The following NAV2 variants were observed in gnomAD, a reference collection of about 807,000 sequenced individuals.
The protein encoded by NAV2 is neuron navigator 2, also known as helicase, APC down-regulated 1.
In NAV2, 54 loss-of-function variants were observed where a neutral mutation model predicts 223.2. The ratio of observed to expected loss-of-function variants is 0.24; its 90% CI spans 0.19 to 0.30. NAV2 has a LOEUF of 0.30. NAV2 is among the 10% of genes least tolerant of loss of function. The pLI is 1.00. For synonymous variants in NAV2, 1,279 were observed against 1,239.3 expected, an observed-to-expected ratio of 1.03 and a Z score of -0.67; for missense variants, 2,806 against 3,147.5, an observed-to-expected ratio of 0.89 and a Z score of 2.60.
At chr11:19,387,105 TCA>T (rs1188573982) in intron 1 of NAV2, among the ~76,000 whole-genome samples, 3 of 152,246 alleles carry the variant, frequency 2.0e-5, no homozygotes, top group Non-Finnish European at 2.9e-5. Context: ...CTAAGTGTGC[TCA>T]CACACACACT....
chr11:19,663,204 T>A (rs891163634), intron 1 of NAV2, among the ~76,000 whole-genome samples: 2 of 152,192 alleles, frequency 1.3e-5, no homozygotes, highest in Non-Finnish European at 2.9e-5. Context: ...AGAGGGGATA[T>A]GTATTTTAGA....
intron 10 of NAV2, among the ~76,000 whole-genome samples, chr11:19,980,211 A>G (rs1342048057): frequency 6.6e-6 from 1 of 152,112 alleles, no homozygotes. Context: ...CTTTCCATCC[A>G]GGGGTCTCTG....
chr11:19,555,450 GGGGGCTCT>G (rs1242073694), intron 1 of NAV2, among the ~76,000 whole-genome samples: 1 of 152,126 alleles, frequency 6.6e-6, no homozygotes, highest in Non-Finnish European at 1.5e-5. Context: ...CAGACCTGGG[GGGGGCTCT>G]GGGCAGCTCA....
chr11:19,923,382 C>T (rs1372502845), intron 6 of NAV2, among the ~76,000 whole-genome samples: 1 of 146,456 alleles, frequency 6.8e-6, no homozygotes, highest in African/African-American at 2.5e-5. Flanking sequence ...CTGAGAAGTC[C>T]TGTAGACAAA....
chr11:19,773,676 C>T (rs1055463955), intron 1 of NAV2, among the ~76,000 whole-genome samples: 2 of 152,132 alleles, frequency 1.3e-5, no homozygotes, highest in African/African-American at 4.8e-5. Flanking sequence ...TTGTGAGAAG[C>T]CACTTCTGTC....
upstream of NAV2, chr11:19,712,656 C>G (rs1202627253): frequency 2.0e-5 from 3 of 152,246 alleles, no homozygotes; most frequent in African/African-American, 7.2e-5. Flanking sequence ...GCAAAGCGGC[C>G]ACCAGCCCGC....
chr11:20,074,760 C>CCTTTTTTTTT lies in NAV2; in HGVS notation c.4984-2792_4984-2791insCTTTTTTTTT, dbSNP rs56895607. The stretch of plus-strand genomic sequence containing the variant: ...ATTGGAGACTAGGATTGCAACTCTG[C>CCTTTTTTTTT]TTTTTTTTTTTTTTTTGCTTTCCAT... On this transcript the variant is annotated intron_variant, in intron 22 of 37. Coordinates refer to ENST00000349880, the MANE Select transcript of NAV2 (RefSeq NM_145117.5). Among the ~76,000 whole-genome samples, 279 of 110,208 alleles carry CCTTTTTTTTT rather than the reference C, an allele frequency of 2.5e-3. 13 individuals are homozygous for CCTTTTTTTTT. Among genetic ancestry groups the CCTTTTTTTTT allele is most frequent in the East Asian group, 4.2e-3 (16 of 3,776 alleles). 72.3% of individuals were successfully genotyped at this position (110,208 alleles called of 152,430 possible).
At chr11:19,844,816 CTG>C (rs1160449984) in intron 3 of NAV2, among the ~76,000 whole-genome samples, 4 of 147,738 alleles carry the variant, frequency 2.7e-5, no homozygotes, top group African/African-American at 5.1e-5. Flanking sequence ...TGTGTGTGAA[CTG>C]TGTGTTTTTT....
At chr11:19,959,303 G>A (rs530590195) in intron 10 of NAV2, among the ~76,000 whole-genome samples, 20 of 152,184 alleles carry the variant, frequency 1.3e-4, no homozygotes, top group Non-Finnish European at 2.8e-4. Flanking sequence ...GAGGAACTCA[G>A]GGCGCAGAGG....
At chr11:19,488,022 A>G (rs1271487241) in intron 1 of NAV2, among the ~76,000 whole-genome samples, 2 of 152,230 alleles carry the variant, frequency 1.3e-5, no homozygotes, top group African/African-American at 2.4e-5. Context: ...AAAAAGCCAG[A>G]GACATCCTAA....
chr11:19,397,419 G>GTGTGTGTGTGTGTGTGTGCA (rs1554919831), intron 1 of NAV2, among the ~76,000 whole-genome samples: 3 of 70,514 alleles, frequency 4.3e-5, no homozygotes, highest in Admixed American at 1.5e-4. Context: ...GTGTGTGTGT[G>GTGTGTGTGTGTGTGTGTGCA]CGCGCATGTG....
chr11:19,759,608 T>A (rs907478945), intron 1 of NAV2, among the ~76,000 whole-genome samples: 1 of 152,196 alleles, frequency 6.6e-6, no homozygotes, highest in Admixed American at 6.5e-5. Flanking sequence ...GAGCGGGGCC[T>A]CTGGTGCTGG....
At chr11:19,946,042 C>G (rs569112984) in intron 8 of NAV2, among the ~76,000 whole-genome samples, 1 of 152,238 alleles carries the variant, frequency 6.6e-6, no homozygotes, top group South Asian at 2.1e-4. Flanking sequence ...ATGCTTCACT[C>G]ATTTTTGCAT....
chr11:19,951,042 A>G (rs965636165), intron 10 of NAV2, among the ~76,000 whole-genome samples: 1 of 152,216 alleles, frequency 6.6e-6, no homozygotes, highest in Admixed American at 6.5e-5. Context: ...GGTGGGTCAG[A>G]TAATTTCCTT....
chr11:19,569,703 C>A (rs1021927536), intron 1 of NAV2, among the ~76,000 whole-genome samples: 1 of 152,084 alleles, frequency 6.6e-6, no homozygotes, highest in Admixed American at 6.5e-5. Flanking sequence ...AATCAGGATG[C>A]AAAGGGCTAC....
intron 1 of NAV2, among the ~76,000 whole-genome samples, chr11:19,595,311 A>G (rs1486462190): frequency 1.3e-5 from 2 of 152,216 alleles, no homozygotes; most frequent in African/African-American, 2.4e-5. Context: ...GCATTGGCAC[A>G]TACAAGGAAC....
chr11:19,656,754 A>G (rs950476409), intron 1 of NAV2, among the ~76,000 whole-genome samples: 2 of 152,174 alleles, frequency 1.3e-5, no homozygotes, highest in Admixed American at 6.5e-5. Flanking sequence ...GTGAGAAGCA[A>G]TGCTCTAGGG....
Position 20,045,122 on chromosome 11 carries a change from C to G in NAV2, c.3354C>G (p.Asn1118Lys). 1 of 1,614,180 alleles carries G rather than the reference C, an allele frequency of 6.2e-7. No homozygotes were observed. The highest frequency in any genetic ancestry group is 8.5e-7 in the Non-Finnish European group (1 of 1,180,012). The change falls in exon 14 of 38, where the codon AAC (asparagine) becomes AAG (lysine). Residue 1118 changes from asparagine to lysine, a missense_variant. This residue lies in a region of NAV2 where 742 missense variants were observed against 777.9 expected (regional missense o/e 0.95). Coordinates refer to ENST00000349880, the MANE Select transcript of NAV2 (RefSeq NM_145117.5). Reference protein sequence around the residue: ...SSSRTPTANANSFGFKKQSGS... With the variant: ...SSSRTPTANAKSFGFKKQSGS... ...CTAGGACACCTACTGCCAATGCCAA[C>G]AGCTTTGGGTTCAAGAAGCAGAGTG... is the stretch of plus-strand genomic sequence containing the variant.
intron 1 of NAV2, among the ~76,000 whole-genome samples, chr11:19,762,073 T>C (rs1396337440): frequency 6.6e-6 from 1 of 152,084 alleles, no homozygotes; most frequent in Non-Finnish European, 1.5e-5. Context: ...TGAAACCTCG[T>C]CTCTACTAAA....
Sources: gnomAD v4.1 joint callset for allele counts (sites outside exome capture counted in the v4.1 genomes callset) on GRCh38, gnomAD v4.1.1 for gene constraint, gnomAD v4.1.1 regional missense constraint, MANE v1.5 for transcripts, NCBI Gene and HGNC (gene_info 2026-07-23, HGNC 2026-07-21) for gene names.